Variants in TANC2 observed in about 807,000 individuals in gnomAD.
TANC2 encodes tetratricopeptide repeat, ankyrin repeat and coiled-coil containing 2, also known as protein TANC2.
A neutral mutation model predicts 210.5 loss-of-function variants in TANC2; 26 were observed. The observed-to-expected ratio is 0.12, with a 90% CI of 0.09 to 0.17. TANC2 has a LOEUF of 0.17. Ranked by LOEUF, TANC2 falls within the 10% of genes least tolerant of loss-of-function variation. The pLI is 1.00. For missense variants in TANC2, 2,129 were observed against 2,608.9 expected (o/e 0.82, Z 4.01); for synonymous variants, 931 against 967.1 (o/e 0.96, Z 0.69).
At chr17:63,251,276 A>G (rs548267233) in intron 8 of TANC2, among the ~76,000 whole-genome samples, 69 of 152,306 alleles carry the variant, frequency 4.5e-4, no homozygotes, top group African/African-American at 1.7e-3. Context: ...TTAGGAAAGC[A>G]AGGAAAGTGC....
chr17:62,996,116 C>T (rs1424916317), intron 1 of TANC2, among the ~76,000 whole-genome samples: 1 of 152,150 alleles, frequency 6.6e-6, no homozygotes, highest in Admixed American at 6.5e-5. Flanking sequence ...GATCCTATTA[C>T]TGTATATAAC....
At chr17:63,287,729 G>A (rs1354130070) in intron 9 of TANC2, among the ~76,000 whole-genome samples, 3 of 151,176 alleles carry the variant, frequency 2.0e-5, no homozygotes, top group African/African-American at 7.3e-5. Flanking sequence ...AAGCTAGAGT[G>A]CAGTGGCATG....
chr17:63,190,472 A>G (rs990587954), intron 5 of TANC2, among the ~76,000 whole-genome samples: 3 of 152,252 alleles, frequency 2.0e-5, no homozygotes, highest in Non-Finnish European at 4.4e-5. Context: ...TTTTGAAAAT[A>G]GGAAATGTGA....
At chr17:63,245,536 C>T (rs761040065) in intron 8 of TANC2, among the ~76,000 whole-genome samples, 3 of 151,830 alleles carry the variant, frequency 2.0e-5, no homozygotes, top group African/African-American at 7.3e-5. Context: ...GGTGAAACCC[C>T]GTCTCTACTA....
Position 63,256,159 on chromosome 17 carries a change from C to T in TANC2, c.1034-11589C>T, listed in dbSNP as rs377611803. Among the ~76,000 whole-genome samples the T allele has an allele frequency of 1.9e-4, 29 of 152,178 alleles. No individual in the cohort carries two copies. The East Asian group carries it at 4.4e-3, about 23-fold the overall frequency. The stretch of plus-strand genomic sequence containing the variant: ...CTGACCTCAAGTGATCCACCTGCCT[C>T]GGCCTCCCAAAGTGCTAGGATTACA... On this transcript the variant is annotated intron_variant, in intron 8 of 27. Coordinates refer to ENST00000689528, the Ensembl canonical transcript of TANC2.
chr17:63,314,428 G>A (rs2045245554), exon 10 of TANC2: 2 of 1,613,902 alleles, frequency 1.2e-6, no homozygotes, highest in Non-Finnish European at 1.7e-6. Flanking sequence ...TCTCCTTGAA[G>A]CCTCTGCTCT....
chr17:63,138,218 T>C (rs2039160557), intron 4 of TANC2, among the ~76,000 whole-genome samples: 1 of 152,200 alleles, frequency 6.6e-6, no homozygotes, highest in Non-Finnish European at 1.5e-5. Flanking sequence ...TAAGATACTG[T>C]TGGAACTACA....
rs902874002 is a variant in TANC2, at chr17:63,023,077, G to T, written c.67+13451G>T. On this transcript the variant is annotated intron_variant, in intron 2 of 27. Coordinates refer to ENST00000689528, the Ensembl canonical transcript of TANC2. Reference sequence around the variant, plus strand: ...ACAGGCCCAGGCAAAAACTTGCCATGGGGTGGAGCCACCACAGAGGTTCCC... The same window carrying T: ...ACAGGCCCAGGCAAAAACTTGCCATTGGGTGGAGCCACCACAGAGGTTCCC... Among the ~76,000 whole-genome samples the T allele has an allele frequency of 2.4e-4, 36 of 152,232 alleles. 1 individual carries two copies. Among genetic ancestry groups the T allele is most frequent in the African/African-American group, 8.4e-4 (35 of 41,454 alleles).
chr17:63,156,039 C>A (rs2039824649), intron 5 of TANC2, among the ~76,000 whole-genome samples: 1 of 151,902 alleles, frequency 6.6e-6, no homozygotes, highest in African/African-American at 2.4e-5. Flanking sequence ...TTTCCGAGAA[C>A]ATTATAAAAT....
At chr17:63,082,418 T>C (rs2036811538) in intron 3 of TANC2, among the ~76,000 whole-genome samples, 1 of 152,232 alleles carries the variant, frequency 6.6e-6, no homozygotes. Context: ...TTAATGTTTT[T>C]TTCCTAGTGA....
intron 2 of TANC2, among the ~76,000 whole-genome samples, chr17:63,073,096 T>G (rs180865543): frequency 7.4e-4 from 112 of 152,228 alleles, no homozygotes; most frequent in Middle Eastern, 3.4e-3. Flanking sequence ...GTTTGATGCC[T>G]TAATGCATTT....
intron 12 of TANC2, among the ~76,000 whole-genome samples, chr17:63,349,519 C>T (rs72841385): frequency 0.16 from 25,075 of 152,100 alleles, 2,672 homozygotes; most frequent in Non-Finnish European, 0.24. Context: ...TAACAGCCAC[C>T]TGGGAGAGGA....
intron 9 of TANC2, among the ~76,000 whole-genome samples, chr17:63,280,151 A>G (rs1048915978): frequency 6.6e-6 from 1 of 152,074 alleles, no homozygotes; most frequent in African/African-American, 2.4e-5. Context: ...TGCCTCCAAA[A>G]GCAGTTAATT....
chr17:63,206,613 T>C (rs894720058), intron 7 of TANC2, among the ~76,000 whole-genome samples: 3 of 152,218 alleles, frequency 2.0e-5, no homozygotes, highest in Admixed American at 1.3e-4. Context: ...TTGTATGATA[T>C]ATATGGTTCC....
intron 1 of TANC2, among the ~76,000 whole-genome samples, chr17:62,993,245 T>A (rs778983761): frequency 6.6e-6 from 1 of 152,222 alleles, no homozygotes; most frequent in Non-Finnish European, 1.5e-5. Flanking sequence ...GTGGTCACCT[T>A]TGGGGAACCT....
intron 1 of TANC2, among the ~76,000 whole-genome samples, chr17:62,970,251 G>A (rs1294480648): frequency 6.6e-6 from 1 of 152,012 alleles, no homozygotes; most frequent in Admixed American, 6.5e-5. Context: ...TACTGCTTAT[G>A]GCTAAAACTT....
At chr17:63,126,736 T>G (rs1320654238) in intron 4 of TANC2, among the ~76,000 whole-genome samples, 3 of 152,126 alleles carry the variant, frequency 2.0e-5, no homozygotes, top group African/African-American at 7.2e-5. Context: ...AGTGAGATCT[T>G]GAAAATTTGT....
At chr17:63,059,066 C>G (rs1367239420) in intron 2 of TANC2, among the ~76,000 whole-genome samples, 1 of 152,100 alleles carries the variant, frequency 6.6e-6, no homozygotes, top group Admixed American at 6.5e-5. Context: ...TCTTCTGATC[C>G]ATGAGCCCGG....
At chr17:63,370,778 A>G (rs2047243857) in intron 14 of TANC2, among the ~76,000 whole-genome samples, 1 of 152,176 alleles carries the variant, frequency 6.6e-6, no homozygotes, top group Non-Finnish European at 1.5e-5. Context: ...CAACTGGCAG[A>G]TGGGGGAAGA....
Sources: gnomAD v4.1 joint callset for allele counts (sites outside exome capture counted in the v4.1 genomes callset) on GRCh38, gnomAD v4.1.1 for gene constraint, MANE v1.5 for transcripts, NCBI Gene and HGNC (gene_info 2026-07-23, HGNC 2026-07-21) for gene names.